The following LCORL variants were observed in gnomAD, a reference collection of about 807,000 sequenced individuals.
The protein encoded by LCORL is ligand dependent nuclear receptor corepressor like.
LCORL carries 41 observed loss-of-function variants against 141.8 expected under a neutral mutation model. That is an observed-to-expected ratio of 0.29 (90% CI 0.23 to 0.38). The LOEUF (loss-of-function observed/expected upper bound fraction) is 0.38, where lower values mean the gene tolerates loss of function less well. LCORL is among the 10% of genes least tolerant of loss of function. LCORL has a pLI of 1.00. For missense variants in LCORL, 1,759 were observed against 2,035.0 expected (o/e 0.86, Z 2.61); for synonymous variants, 618 against 694.1 (o/e 0.89, Z 1.72).
chr4:17,879,522 T>C (rs1376093525), intron 6 of LCORL, among the ~76,000 whole-genome samples: 1 of 151,082 alleles, frequency 6.6e-6, no homozygotes, highest in Non-Finnish European at 1.5e-5. Flanking sequence ...CAGATGAAGA[T>C]AGGACATGAC....
At chr4:18,005,042 C>T (rs370426680) in intron 1 of LCORL, among the ~76,000 whole-genome samples, 4 of 151,988 alleles carry the variant, frequency 2.6e-5, no homozygotes, top group Non-Finnish European at 2.9e-5. Context: ...CGCAGCCTCC[C>T]GAGTAGCTGG....
chr4:17,905,534 TTTC>T (rs1731473480), intron 5 of LCORL, among the ~76,000 whole-genome samples: 1 of 152,056 alleles, frequency 6.6e-6, no homozygotes, highest in Non-Finnish European at 1.5e-5. Context: ...TATACCAACA[TTTC>T]TTTTTTTTTC....
At chr4:17,876,879 G>C (rs908542310) in exon 7 of LCORL, 1 of 1,230,742 alleles carries the variant, frequency 8.1e-7, no homozygotes, top group Non-Finnish European at 1.0e-6. Flanking sequence ...ACTATGAAGA[G>C]GTAGTTGCAG....
At chr4:17,938,873 C>A (rs975596891) in intron 4 of LCORL, among the ~76,000 whole-genome samples, 1 of 152,090 alleles carries the variant, frequency 6.6e-6, no homozygotes. Flanking sequence ...TTTAGTTTCT[C>A]CTGTATGTCT....
At chr4:17,875,352 C>G (rs1726808668) in exon 7 of LCORL, 8 of 1,231,248 alleles carry the variant, frequency 6.5e-6, no homozygotes, top group Non-Finnish European at 8.1e-6. Context: ...ATATTCAAAG[C>G]CAGACCCCAA....
intron 1 of LCORL, among the ~76,000 whole-genome samples, chr4:18,008,455 A>C (rs545579145): frequency 1.3e-5 from 2 of 152,358 alleles, no homozygotes; most frequent in East Asian, 3.9e-4. Context: ...CTAAAGTTTT[A>C]GATGTAACAA....
exon 8 of LCORL, chr4:17,845,543 C>A: frequency 2.4e-6 from 1 of 416,990 alleles, no homozygotes; most frequent in Admixed American, 4.6e-5. Flanking sequence ...CCACAATGAT[C>A]TGATGTAAAA....
intron 7 of LCORL, among the ~76,000 whole-genome samples, chr4:17,856,854 A>G (rs1264675496): frequency 6.6e-6 from 1 of 152,178 alleles, no homozygotes; most frequent in East Asian, 1.9e-4. Flanking sequence ...AGACAACTCA[A>G]CCTAAAGTAG....
chr4:17,842,423 T>C, exon 8 of LCORL: 1 of 1,501,692 alleles, frequency 6.7e-7, no homozygotes, highest in Non-Finnish European at 9.2e-7. Context: ...TATCTTCACT[T>C]TTTATTTCTA....
chr4:17,946,636 A>C (rs549962828), intron 4 of LCORL, among the ~76,000 whole-genome samples: 1 of 152,102 alleles, frequency 6.6e-6, no homozygotes, highest in African/African-American at 2.4e-5. Context: ...GATAATGACA[A>C]AATAGTATCT....
exon 7 of LCORL, chr4:17,876,460 T>C: frequency 1.6e-6 from 2 of 1,230,894 alleles, no homozygotes; most frequent in Non-Finnish European, 2.0e-6. Flanking sequence ...GCTATACTTA[T>C]TGTATCTTCC....
chr4:17,962,129 ATTTGTTCTG>A, intron 3 of LCORL, 97 bp from the exon 4 acceptor site: 1 of 694,968 alleles, frequency 1.4e-6, no homozygotes, highest in South Asian at 2.6e-5. Flanking sequence ...CTAAATGCCC[ATTTGTTCTG>A]CTCTTTAAAT....
intron 4 of LCORL, chr4:17,911,735 C>T (rs1480146723): frequency 1.5e-5 from 7 of 474,350 alleles, no homozygotes; most frequent in Non-Finnish European, 2.1e-5. Context: ...TCCGTCCAAG[C>T]GCCCAGCTAT....
chr4:17,970,354 C>G (rs970980125), intron 2 of LCORL, among the ~76,000 whole-genome samples: 1 of 152,170 alleles, frequency 6.6e-6, no homozygotes, highest in African/African-American at 2.4e-5. Flanking sequence ...AAACAGCTAA[C>G]CTGTTTATGT....
At chr4:17,926,561 G>A (rs1735187219) in intron 4 of LCORL, among the ~76,000 whole-genome samples, 1 of 152,172 alleles carries the variant, frequency 6.6e-6, no homozygotes, top group Non-Finnish European at 1.5e-5. Context: ...AACTTTTGAG[G>A]TTCTGAGATT....
At chr4:18,000,831 G>T (rs1355519339) in intron 1 of LCORL, among the ~76,000 whole-genome samples, 2 of 152,212 alleles carry the variant, frequency 1.3e-5, no homozygotes, top group African/African-American at 4.8e-5. Flanking sequence ...TGATCTGGTG[G>T]TGGTTATAAG....
rs191914866 is a variant in LCORL at position 17,913,065 on chromosome 4, A to G, written c.431-3720T>C. ...AAAAATGGACAACTCATTTTAAAGG[A>G]TGAGATGATGTTGAAGATAAAGCCT... On this transcript the variant is annotated intron_variant, in intron 4 of 7. Transcript: ENST00000635767. 3.7e-3 allele frequency: 879 copies of G among 236,922 alleles called. 15 individuals carry two copies. The highest frequency in any genetic ancestry group is 0.019 in the African/African-American group (815 of 43,790). 14.7% of individuals were successfully genotyped at this position (236,922 alleles called of 1,614,324 possible).
intron 4 of LCORL, among the ~76,000 whole-genome samples, chr4:17,947,530 C>A (rs1199392873): frequency 6.6e-6 from 1 of 151,604 alleles, no homozygotes; most frequent in Non-Finnish European, 1.5e-5. Context: ...CTATACCTTT[C>A]AAAATCACTA....
At position 17,912,831 on chromosome 4, in the gene LCORL, C is replaced by T. The variant is rs563670888; in HGVS notation, c.431-3486G>A. On this transcript the variant is annotated intron_variant, in intron 4 of 7. Coordinates refer to ENST00000635767, the Ensembl canonical transcript of LCORL. Reference sequence around the variant, plus strand: ...GTCAAGCTGGAGGCTAAGATCGACACCTGCTGGAAGATGGCGAGGACTTCA... The same window carrying T: ...GTCAAGCTGGAGGCTAAGATCGACATCTGCTGGAAGATGGCGAGGACTTCA... 5.5e-5 allele frequency: 24 copies of T among 434,804 alleles called. 1 individual carries two copies. The highest frequency in any genetic ancestry group is 4.5e-4 in the South Asian group (24 of 53,430). The allele number at this position is 434,804 out of a possible 1,614,324, so 26.9% of individuals were successfully genotyped here.
Sources: allele counts gnomAD v4.1 joint callset (sites outside exome capture counted in the v4.1 genomes callset), GRCh38; gene constraint gnomAD v4.1.1; transcripts MANE v1.5; gene names NCBI Gene and HGNC (gene_info 2026-07-23, HGNC 2026-07-21).